The following PHAX variants were observed in gnomAD, a reference collection of about 807,000 sequenced individuals.
The protein encoded by PHAX is phosphorylated adapter RNA export protein.
A neutral mutation model predicts 41.6 loss-of-function variants in PHAX; 31 were observed. That is an observed-to-expected ratio of 0.75 (90% confidence interval 0.56 to 1.01). The LOEUF is 1.01. Among genes scored for constraint, PHAX ranks in the 50% least tolerant of loss-of-function variants. The probability of loss-of-function intolerance (pLI) is 0.00; values close to 1 mark genes in which losing one functional copy is unlikely to be tolerated. For synonymous variants in PHAX, 175 were observed against 164.9 expected, an observed-to-expected ratio of 1.06 and a Z score of -0.47; for missense variants, 453 against 472.9, an observed-to-expected ratio of 0.96 and a Z score of 0.39.
rs1751938842 is a variant in PHAX, at chr5:126,603,643, A to G, written c.170A>G (p.Tyr57Cys). 8 of 1,614,168 alleles carry G rather than the reference A, an allele frequency of 5.0e-6. No individual in the cohort carries two copies. Among genetic ancestry groups the G allele is most frequent in the East Asian group, 4.5e-5 (2 of 44,890 alleles). ...TATACAPVSH[Y>C]RAVESVDSSE... ...ACTGCATGTGCACCAGTATCACATT[A>G]TCGAGCTGTTGAAAGTGTGGATTCA... is the stretch of plus-strand genomic sequence containing the variant. The change falls in exon 2 of 5, where the codon TAT becomes TGT. Residue 57 changes from tyrosine to cysteine, a missense_variant. Tyr to Cys is a radical substitution (Grantham distance 194). Coordinates refer to ENST00000297540, the MANE Select transcript of PHAX (RefSeq NM_032177.4).
chr5:126,612,690 A>T (rs1316516865), intron 3 of PHAX, among the ~76,000 whole-genome samples: 3 of 152,144 alleles, frequency 2.0e-5, no homozygotes, highest in East Asian at 3.9e-4. Flanking sequence ...AACAAGAGCG[A>T]AACTCGGTCT....
chr5:126,611,852 G>C (rs1162569704), intron 3 of PHAX, among the ~76,000 whole-genome samples: 1 of 151,888 alleles, frequency 6.6e-6, no homozygotes, highest in Non-Finnish European at 1.5e-5. Context: ...GAGCTATAGG[G>C]AATAGTAGCA....
intron 2 of PHAX, 86 bp from the exon 3 acceptor site, chr5:126,608,278 G>A: frequency 6.9e-7 from 1 of 1,456,552 alleles, no homozygotes; most frequent in Non-Finnish European, 9.2e-7. Flanking sequence ...ACTAGAATCA[G>A]ATTTTTATTC....
chr5:126,614,273 A>C (rs1358779284), intron 3 of PHAX, among the ~76,000 whole-genome samples: 4 of 151,204 alleles, frequency 2.6e-5, no homozygotes, highest in African/African-American at 4.9e-5. Flanking sequence ...CTAATTTTGT[A>C]TTTTTATTAG....
chr5:126,604,102 G>T lies in PHAX; in HGVS notation c.629G>T (p.Arg210Ile), dbSNP rs954853912. The T allele has an allele frequency of 2.5e-6, 4 of 1,609,796 alleles. No individual in the cohort carries two copies. Among genetic ancestry groups the T allele is most frequent in the Non-Finnish European group, 2.5e-6 (3 of 1,178,942 alleles). Residue 210 changes from arginine to isoleucine, a missense_variant, in exon 2 of 5, where the codon AGA becomes ATA. Coordinates refer to ENST00000297540, the MANE Select transcript of PHAX (RefSeq NM_032177.4). ...KRPVKDRLGNRPEMNYKGRYE... is the reference protein window; with the variant it reads ...KRPVKDRLGNIPEMNYKGRYE... Reference sequence around the variant, plus strand: ...CCTGTCAAAGACAGGCTAGGGAACAGACCAGAAATGAACTATAAAGGTCGA... The same window carrying T: ...CCTGTCAAAGACAGGCTAGGGAACATACCAGAAATGAACTATAAAGGTCGA...
At chr5:126,623,362 T>G (rs1420951230) in intron 4 of PHAX, among the ~76,000 whole-genome samples, 1 of 152,184 alleles carries the variant, frequency 6.6e-6, no homozygotes, top group Non-Finnish European at 1.5e-5. Flanking sequence ...ATGGTAGCCC[T>G]GTAATCTTGT....
rs749553363 is a variant in PHAX at position 126,608,368 on chromosome 5, C to T, written c.715C>T (p.Gln239Ter). The change falls in exon 3 of 5, where the codon CAG (glutamine) becomes TAG (stop). Residue 239 changes from glutamine to a stop codon, truncating the protein, a stop_gained. Coordinates refer to ENST00000297540, the MANE Select transcript of PHAX (RefSeq NM_032177.4). LOFTEE classifies it high-confidence loss of function. ...KVADEISFRL[Q>*]EPKKDLIARV... ...ATTTTACTTGTTTCTCATCAGGTTA[C>T]AGGAACCAAAGAAAGACCTGATAGC... The T allele has an allele frequency of 6.2e-7, 1 of 1,613,342 alleles. No homozygotes were observed. The highest frequency in any genetic ancestry group is 1.1e-5 in the South Asian group (1 of 91,018).
chr5:126,611,306 G>T lies in PHAX; in HGVS notation c.831+2822G>T, dbSNP rs999763964. ...TGACCTCAGGTGATCTGCCGGCCTC[G>T]GCCTCCCAAAGTGCTGGGATTACAG... On this transcript the variant is annotated intron_variant, in intron 3 of 4. Coordinates refer to ENST00000297540, the MANE Select transcript of PHAX (RefSeq NM_032177.4). 2.0e-5 allele frequency among the ~76,000 whole-genome samples: 3 copies of T among 151,620 alleles called. No homozygotes were observed. In the East Asian group the frequency reaches 5.8e-4, roughly 29 times the overall value.
intron 4 of PHAX, among the ~76,000 whole-genome samples, chr5:126,623,450 G>A (rs1403800190): frequency 6.6e-6 from 1 of 152,172 alleles, no homozygotes; most frequent in African/African-American, 2.4e-5. Context: ...GAGTTAATGT[G>A]TGTGTAAAGT....
chr5:126,617,481 T>G (rs977193862), intron 4 of PHAX, 148 bp downstream of exon 4: 1 of 501,142 alleles, frequency 2.0e-6, no homozygotes, highest in African/African-American at 2.0e-5. Flanking sequence ...TGCCTTTTAT[T>G]TATTTATTTA....
Position 126,604,064 on chromosome 5 carries a change from C to G in PHAX, c.591C>G (p.Leu197=), listed in dbSNP as rs1413700634. Reference sequence around the variant, plus strand: ...AAGAGGAAAATGGGCAAGGTCATCTCAAAAGGAAACGACCTGTCAAAGACA... The same window carrying G: ...AAGAGGAAAATGGGCAAGGTCATCTGAAAAGGAAACGACCTGTCAAAGACA... ...SKEEENGQGH[L]KRKRPVKDRL... is the part of the protein sequence containing the mutation. The change falls in exon 2 of 5, where the codon CTC becomes CTG. Residue 197 remains leucine (L), a synonymous_variant. Transcript: ENST00000297540. 2 of 1,613,752 alleles carry G rather than the reference C, an allele frequency of 1.2e-6. No homozygotes were observed. Among genetic ancestry groups the G allele is most frequent in the Non-Finnish European group, 1.7e-6 (2 of 1,179,966 alleles).
chr5:126,619,771 A>G (rs1001089986), intron 4 of PHAX, among the ~76,000 whole-genome samples: 1 of 152,182 alleles, frequency 6.6e-6, no homozygotes, highest in Non-Finnish European at 1.5e-5. Flanking sequence ...ATTCTTCTAC[A>G]GTATGGATTT....
intron 4 of PHAX, among the ~76,000 whole-genome samples, chr5:126,617,843 G>A (rs539114605): frequency 2.0e-4 from 30 of 152,134 alleles, no homozygotes; most frequent in South Asian, 1.0e-3. Context: ...TGTACGTCTC[G>A]GCTCAAGCAA....
chr5:126,609,029 A>G (rs904440175), intron 3 of PHAX, among the ~76,000 whole-genome samples: 29 of 151,596 alleles, frequency 1.9e-4, no homozygotes, highest in African/African-American at 7.0e-4. Flanking sequence ...ACAAACATAA[A>G]TTATAGCCTG....
intron 3 of PHAX, among the ~76,000 whole-genome samples, chr5:126,613,510 T>G (rs1002392347): frequency 9.9e-5 from 15 of 151,988 alleles, no homozygotes; most frequent in African/African-American, 3.6e-4. Flanking sequence ...ACCTTATCTC[T>G]ACCAAAAAAA....
At chr5:126,613,120 G>T (rs567471738) in intron 3 of PHAX, among the ~76,000 whole-genome samples, 2 of 152,158 alleles carry the variant, frequency 1.3e-5, no homozygotes, top group Non-Finnish European at 2.9e-5. Context: ...AGGCTGAGAC[G>T]GGCATATCAC....
chr5:126,619,665 C>G (rs1752239421), intron 4 of PHAX, among the ~76,000 whole-genome samples: 1 of 151,412 alleles, frequency 6.6e-6, no homozygotes, highest in African/African-American at 2.4e-5. Context: ...TTGTGGCTTT[C>G]ATTCATTCTT....
chr5:126,604,348 C>G (rs747463473), intron 2 of PHAX, among the ~76,000 whole-genome samples, 165 bp downstream of exon 2: 3 of 144,600 alleles, frequency 2.1e-5, no homozygotes, highest in Admixed American at 7.0e-5. Context: ...TCACTGCAAC[C>G]TCCGCCTCCT....
At chr5:126,605,682 C>G (rs1751979001) in intron 2 of PHAX, among the ~76,000 whole-genome samples, 1 of 152,180 alleles carries the variant, frequency 6.6e-6, no homozygotes, top group South Asian at 2.1e-4. Flanking sequence ...TAGGCGTGAG[C>G]TGCGCACCCA....
Sources: gnomAD v4.1 joint callset for allele counts (sites outside exome capture counted in the v4.1 genomes callset) on GRCh38, gnomAD v4.1.1 for gene constraint, MANE v1.5 for transcripts, NCBI Gene and HGNC (gene_info 2026-07-23, HGNC 2026-07-21) for gene names.